HS3ST5: variants seen among roughly 807,000 people sequenced by gnomAD.
The protein encoded by HS3ST5 is heparan sulfate glucosamine 3-O-sulfotransferase 5.
A neutral mutation model predicts 25.4 loss-of-function variants in HS3ST5; 10 were observed. That is an observed-to-expected ratio of 0.39 (90% confidence interval 0.24 to 0.67). The LOEUF is 0.67. Ranked by LOEUF, HS3ST5 falls within the 30% of genes least tolerant of loss-of-function variation. The probability of loss-of-function intolerance (pLI) is 0.44; values close to 1 mark genes in which losing one functional copy is unlikely to be tolerated. For synonymous variants in HS3ST5, 170 were observed against 162.4 expected, an observed-to-expected ratio of 1.05 and a Z score of -0.36; for missense variants, 324 against 420.7, an observed-to-expected ratio of 0.77 and a Z score of 2.01.
In HS3ST5 at chr6:114,056,234, A is replaced by C. The variant is rs1003822709; in HGVS notation, c.*1023T>G. 6.6e-6 allele frequency: 1 copy of C among 152,174 alleles called. No homozygotes were observed. The highest frequency in any genetic ancestry group is 1.9e-4 in the East Asian group (1 of 5,194). The allele number at this position is 152,174 out of a possible 1,614,324, so 9.4% of individuals were successfully genotyped here. ...TGTTACAAAGTTGTAGCAGAGCAGC[A>C]CTAGGGTTCTTTGAGGTGGCTATTA... On this transcript the variant is annotated 3_prime_UTR_variant, in exon 5 of 5. Coordinates refer to ENST00000312719, the MANE Select transcript of HS3ST5 (RefSeq NM_153612.4).
chr6:114,159,649 G>C (rs1425249190), intron 3 of HS3ST5, among the ~76,000 whole-genome samples: 1 of 152,110 alleles, frequency 6.6e-6, no homozygotes, highest in Non-Finnish European at 1.5e-5. Flanking sequence ...GGCTCACCTT[G>C]TGAAAATCCA....
intron 1 of HS3ST5, among the ~76,000 whole-genome samples, chr6:114,269,083 T>C (rs1324795104): frequency 3.9e-5 from 6 of 152,184 alleles, no homozygotes; most frequent in Non-Finnish European, 4.4e-5. Context: ...TCACCTAAAG[T>C]ATAAGCTAGT....
intron 3 of HS3ST5, among the ~76,000 whole-genome samples, chr6:114,096,816 T>C (rs1426890403): frequency 6.6e-6 from 1 of 152,128 alleles, no homozygotes. Flanking sequence ...GGTAATAGAA[T>C]AATGAATAAA....
At chr6:114,313,196 C>A (rs1775609379) in intron 1 of HS3ST5, among the ~76,000 whole-genome samples, 1 of 152,010 alleles carries the variant, frequency 6.6e-6, no homozygotes, top group African/African-American at 2.4e-5. Context: ...CAACAACATA[C>A]CAACAATACC....
At chr6:114,064,434 G>C (rs1176055890) in intron 3 of HS3ST5, among the ~76,000 whole-genome samples, 1 of 152,136 alleles carries the variant, frequency 6.6e-6, no homozygotes, top group African/African-American at 2.4e-5. Flanking sequence ...ATAAGTGTTG[G>C]GAAAAGAAAA....
intron 1 of HS3ST5, among the ~76,000 whole-genome samples, chr6:114,313,649 G>A (rs1431706559): frequency 1.3e-5 from 2 of 152,156 alleles, no homozygotes; most frequent in Non-Finnish European, 2.9e-5. Flanking sequence ...TATTGGGGAG[G>A]AGGTGGTGGG....
chr6:114,167,974 C>T (rs1473707127), intron 3 of HS3ST5, among the ~76,000 whole-genome samples: 1 of 152,052 alleles, frequency 6.6e-6, no homozygotes, highest in Admixed American at 6.6e-5. Context: ...ATAATAGGAA[C>T]AGCAAAGACA....
At position 114,153,166 on chromosome 6, in the gene HS3ST5, C is replaced by T. The variant is rs1013383130; in HGVS notation, c.-33+15185G>A. ...GTACTGTTAATGGGGGCAGAGCTGC[C>T]GTTTGGATCCTGGGCTCTGTCTCCT... On this transcript the variant is annotated intron_variant, in intron 3 of 4. Coordinates refer to ENST00000312719, the MANE Select transcript of HS3ST5 (RefSeq NM_153612.4). Among the ~76,000 whole-genome samples, 16 of 152,186 alleles carry T rather than the reference C, an allele frequency of 1.1e-4. 1 individual carries two copies. Among genetic ancestry groups the T allele is most frequent in the African/African-American group, 3.6e-4 (15 of 41,504 alleles).
At chr6:114,091,730 A>G (rs1201208346) in intron 3 of HS3ST5, among the ~76,000 whole-genome samples, 1 of 152,194 alleles carries the variant, frequency 6.6e-6, no homozygotes, top group Admixed American at 6.5e-5. Context: ...TGCTGGAAGA[A>G]GCCACCATGT....
chr6:114,322,090 G>A (rs1775992391), intron 1 of HS3ST5, among the ~76,000 whole-genome samples: 1 of 151,998 alleles, frequency 6.6e-6, no homozygotes, highest in Admixed American at 6.6e-5. Flanking sequence ...ATTCTTGTTA[G>A]TAGCATTAAC....
intron 1 of HS3ST5, chr6:114,340,788 T>C (rs954899459): frequency 2.0e-5 from 3 of 152,252 alleles, no homozygotes; most frequent in Non-Finnish European, 4.4e-5. Flanking sequence ...CTTCAACTTT[T>C]TCTTGAAAAG....
intron 2 of HS3ST5, among the ~76,000 whole-genome samples, chr6:114,224,220 T>G (rs1782176321): frequency 6.6e-6 from 1 of 151,796 alleles, no homozygotes; most frequent in South Asian, 2.1e-4. Context: ...TAGAATTGGG[T>G]TTTATGCTAC....
intron 3 of HS3ST5, among the ~76,000 whole-genome samples, chr6:114,091,905 G>T (rs977888338): frequency 1.3e-5 from 2 of 152,190 alleles, no homozygotes; most frequent in Non-Finnish European, 2.9e-5. Context: ...GTAGAGACTT[G>T]CAGGAGGCTA....
Position 114,185,807 on chromosome 6 carries a change from C to T in HS3ST5, c.-144-17345G>A, listed in dbSNP as rs116814866. On this transcript the variant is annotated intron_variant, in intron 2 of 4. Coordinates refer to ENST00000312719, the MANE Select transcript of HS3ST5 (RefSeq NM_153612.4). ...GAGGCTGGAATGCAGTAGTGCAATCCCAGCTCACGCAGCCTCAAACTCCAA... is the reference window on the plus strand; with the variant it reads ...GAGGCTGGAATGCAGTAGTGCAATCTCAGCTCACGCAGCCTCAAACTCCAA... Among the ~76,000 whole-genome samples, 773 of 151,062 alleles carry T rather than the reference C, an allele frequency of 5.1e-3. 5 individuals are homozygous for T. Among genetic ancestry groups the T allele is most frequent in the African/African-American group, 0.018 (742 of 41,100 alleles).
chr6:114,241,785 AAGG>A (rs1772140745), intron 1 of HS3ST5, among the ~76,000 whole-genome samples: 1 of 152,198 alleles, frequency 6.6e-6, no homozygotes, highest in Admixed American at 6.5e-5. Context: ...CTGTTAGAAT[AAGG>A]AGAAGTGATG....
intron 3 of HS3ST5, among the ~76,000 whole-genome samples, chr6:114,064,922 C>T (rs1016740609): frequency 2.6e-5 from 4 of 152,078 alleles, no homozygotes; most frequent in Admixed American, 2.0e-4. Context: ...AGGGAAAAGG[C>T]TCGGCTTGTT....
intron 3 of HS3ST5, among the ~76,000 whole-genome samples, chr6:114,082,787 T>C (rs1673072518): frequency 6.6e-6 from 1 of 152,208 alleles, no homozygotes; most frequent in Non-Finnish European, 1.5e-5. Context: ...CTCATTCCAA[T>C]TACCTGCTCT....
intron 1 of HS3ST5, among the ~76,000 whole-genome samples, chr6:114,302,025 T>G (rs1167067346): frequency 2.6e-5 from 4 of 152,204 alleles, no homozygotes; most frequent in Non-Finnish European, 5.9e-5. Flanking sequence ...CTCTCCAAGC[T>G]GCAAATCATA....
At chr6:114,226,399 A>T (rs1771287812) in intron 2 of HS3ST5, among the ~76,000 whole-genome samples, 1 of 151,958 alleles carries the variant, frequency 6.6e-6, no homozygotes, top group Non-Finnish European at 1.5e-5. Context: ...GGTATCTATA[A>T]ATCTTCAATG....
Sources: allele counts gnomAD v4.1 joint callset (sites outside exome capture counted in the v4.1 genomes callset), GRCh38; gene constraint gnomAD v4.1.1; transcripts MANE v1.5; gene names NCBI Gene and HGNC (gene_info 2026-07-23, HGNC 2026-07-21).